The following PTPRD variants were observed in gnomAD, a reference collection of about 807,000 sequenced individuals.
PTPRD encodes the protein protein tyrosine phosphatase receptor type D.
PTPRD carries 34 observed loss-of-function variants against 214.5 expected under a neutral mutation model. That is an observed-to-expected ratio of 0.16 (90% CI 0.12 to 0.21). PTPRD has a LOEUF of 0.21. Ranked by LOEUF, PTPRD falls within the 10% of genes least tolerant of loss-of-function variation. The probability of loss-of-function intolerance (pLI) is 1.00; values close to 1 mark genes in which losing one functional copy is unlikely to be tolerated. For missense variants in PTPRD, 2,545 were observed against 2,398.7 expected (o/e 1.06, Z -1.27); for synonymous variants, 1,128 against 845.7 (o/e 1.33, Z -5.79).
At chr9:9,036,433 A>T (rs2099622105) in intron 10 of PTPRD, among the ~76,000 whole-genome samples, 1 of 152,284 alleles carries the variant, frequency 6.6e-6, no homozygotes, top group African/African-American at 2.4e-5. Flanking sequence ...TTAAGGATAC[A>T]TGATATTAAA....
Position 8,315,124 on chromosome 9 carries a change from G to T in PTPRD, c.*2750C>A, listed in dbSNP as rs1820983918. 1 of 232,476 alleles carries T rather than the reference G, an allele frequency of 4.3e-6. No homozygotes were observed. The highest frequency in any genetic ancestry group is 1.8e-4 in the South Asian group (1 of 5,506). The allele number at this position is 232,476 out of a possible 1,614,324, so 14.4% of individuals were successfully genotyped here. On this transcript the variant is annotated 3_prime_UTR_variant, in exon 46 of 46. Transcript: ENST00000381196. Reference sequence around the variant, plus strand: ...AAAGCTTGTGGTAATGGCAGATAAAGATGGTTCACCTGGGAAATTAAAACT... The same window carrying T: ...AAAGCTTGTGGTAATGGCAGATAAATATGGTTCACCTGGGAAATTAAAACT...
At chr9:9,949,601 A>G (rs2093222705) in intron 4 of PTPRD, among the ~76,000 whole-genome samples, 1 of 152,160 alleles carries the variant, frequency 6.6e-6, no homozygotes, top group Admixed American at 6.5e-5. Flanking sequence ...TAAGCCAATC[A>G]CTACATCCAG....
chr9:9,827,537 C>T (rs939418002), intron 5 of PTPRD, among the ~76,000 whole-genome samples: 55 of 152,200 alleles, frequency 3.6e-4, no homozygotes, highest in African/African-American at 1.3e-3. Context: ...AATGTTAGAC[C>T]TAAAACCGTA....
intron 6 of PTPRD, among the ~76,000 whole-genome samples, chr9:9,742,018 G>A (rs533669622): frequency 6.6e-6 from 1 of 152,252 alleles, no homozygotes; most frequent in East Asian, 1.9e-4. Context: ...CTAGATCTTT[G>A]AGGAATAGCC....
intron 3 of PTPRD, among the ~76,000 whole-genome samples, chr9:10,125,781 T>G (rs1302295780): frequency 6.6e-6 from 1 of 152,016 alleles, no homozygotes; most frequent in Non-Finnish European, 1.5e-5. Context: ...CGCACCCATC[T>G]TCTTTTTAAA....
intron 11 of PTPRD, among the ~76,000 whole-genome samples, chr9:8,916,115 T>C (rs749481273): frequency 5.9e-5 from 9 of 152,130 alleles, no homozygotes; most frequent in Non-Finnish European, 7.4e-5. Flanking sequence ...TTGTGATGAC[T>C]CAGTGACATC....
intron 44 of PTPRD, 52 bp downstream of exon 44, chr9:8,331,530 A>C: frequency 1.3e-6 from 2 of 1,557,796 alleles, no homozygotes; most frequent in African/African-American, 1.4e-5. Context: ...GTATACAGAC[A>C]ATGAAGAAAC....
At chr9:9,511,903 A>G (rs569591551) in intron 8 of PTPRD, among the ~76,000 whole-genome samples, 2 of 151,898 alleles carry the variant, frequency 1.3e-5, no homozygotes, top group East Asian at 3.9e-4. Context: ...AATTTTTCAT[A>G]GAAGACCTAA....
rs953110640 is a variant in PTPRD at position 10,545,315 on chromosome 9, T to C, written c.-600+67083A>G. On this transcript the variant is annotated intron_variant, in intron 2 of 45. Transcript: ENST00000381196. ...GCCTGGAGGTATTCATAGCCTACCA[T>C]GAAGATGAAAATTGTGTGGCTGTAT... 5.9e-5 allele frequency among the ~76,000 whole-genome samples: 9 copies of C among 152,140 alleles called. 1 individual carries two copies.
intron 3 of PTPRD, among the ~76,000 whole-genome samples, chr9:10,330,257 T>C (rs1037148307): frequency 1.3e-5 from 2 of 151,846 alleles, no homozygotes; most frequent in Admixed American, 6.6e-5. Context: ...TTCCAACATC[T>C]GGATTGAGTG....
chr9:9,647,086 G>C (rs1348048899), intron 7 of PTPRD, among the ~76,000 whole-genome samples: 1 of 152,062 alleles, frequency 6.6e-6, no homozygotes, highest in African/African-American at 2.4e-5. Flanking sequence ...CTTCAGGTCT[G>C]AATAAATTTT....
At chr9:10,153,989 A>T (rs2099078139) in intron 3 of PTPRD, among the ~76,000 whole-genome samples, 1 of 152,072 alleles carries the variant, frequency 6.6e-6, no homozygotes. Flanking sequence ...TATAATGTTG[A>T]GGGTATACCC....
At chr9:9,895,920 G>C (rs2074838045) in intron 5 of PTPRD, among the ~76,000 whole-genome samples, 1 of 151,924 alleles carries the variant, frequency 6.6e-6, no homozygotes, top group Non-Finnish European at 1.5e-5. Flanking sequence ...ATAATGGAAA[G>C]TCTTTCTTGA....
intron 8 of PTPRD, among the ~76,000 whole-genome samples, chr9:9,435,312 A>T (rs2143725494): frequency 6.6e-6 from 1 of 152,014 alleles, no homozygotes; most frequent in East Asian, 1.9e-4. Context: ...GGAGTTTGAG[A>T]CAAGCCCAGT....
intron 4 of PTPRD, among the ~76,000 whole-genome samples, chr9:9,951,930 G>C (rs1353987395): frequency 6.6e-6 from 1 of 152,190 alleles, no homozygotes. Flanking sequence ...TTGAGTACTT[G>C]GGTAAGAACA....
chr9:9,520,509 C>T (rs2154254159), intron 8 of PTPRD, among the ~76,000 whole-genome samples: 1 of 152,120 alleles, frequency 6.6e-6, no homozygotes, highest in Admixed American at 6.6e-5. Context: ...GTTCTCATAA[C>T]TGGAAGAAAT....
At chr9:10,186,315 G>C (rs1593480458) in intron 3 of PTPRD, among the ~76,000 whole-genome samples, 1 of 151,818 alleles carries the variant, frequency 6.6e-6, no homozygotes. Context: ...TCAATCTTTT[G>C]CTTTTAATTT....
At chr9:10,582,680 C>G (rs921099841) in intron 2 of PTPRD, among the ~76,000 whole-genome samples, 3 of 151,982 alleles carry the variant, frequency 2.0e-5, no homozygotes, top group Admixed American at 2.0e-4. Context: ...GCTCCTTATG[C>G]CTTAGATAAT....
intron 5 of PTPRD, among the ~76,000 whole-genome samples, chr9:9,775,839 C>A (rs963971575): frequency 1.3e-5 from 2 of 150,572 alleles, no homozygotes; most frequent in African/African-American, 4.9e-5. Flanking sequence ...GCCTGCAGTC[C>A]CAGCTACTTG....
Sources: gnomAD v4.1 joint callset for allele counts (sites outside exome capture counted in the v4.1 genomes callset) on GRCh38, gnomAD v4.1.1 for gene constraint, MANE v1.5 for transcripts, NCBI Gene and HGNC (gene_info 2026-07-23, HGNC 2026-07-21) for gene names.